The following GYS2 variants were observed in gnomAD, a reference collection of about 807,000 sequenced individuals.
The protein encoded by GYS2 is glycogen [starch] synthase, liver.
GYS2 carries 80 observed loss-of-function variants against 85.6 expected under a neutral mutation model. That is an observed-to-expected ratio of 0.93 (90% CI 0.78 to 1.13). GYS2 has a LOEUF of 1.13. Among genes scored for constraint, GYS2 ranks in the 50% most tolerant of loss-of-function variants. The pLI is 0.00. For missense variants in GYS2, 881 were observed against 854.9 expected (o/e 1.03, Z -0.38); for synonymous variants, 328 against 300.7 (o/e 1.09, Z -0.94).
chr12:21,563,776 A>G (rs1944284495), intron 5 of GYS2, among the ~76,000 whole-genome samples: 1 of 152,144 alleles, frequency 6.6e-6, no homozygotes, highest in Non-Finnish European at 1.5e-5. Flanking sequence ...AGAGTTGTTT[A>G]AAGACGCCGT....
At chr12:21,583,552 T>A (rs1380116305) in intron 1 of GYS2, among the ~76,000 whole-genome samples, 1 of 152,212 alleles carries the variant, frequency 6.6e-6, no homozygotes, top group Non-Finnish European at 1.5e-5. Flanking sequence ...GATCCAATGA[T>A]GCTTGAGGTG....
rs1256746578 is a variant in GYS2, at chr12:21,601,450, C to A, written c.121+3022G>T. 2.0e-5 allele frequency among the ~76,000 whole-genome samples: 3 copies of A among 152,282 alleles called. No individual in the cohort carries two copies. The East Asian group carries it at 5.8e-4, about 29-fold the overall frequency. On this transcript the variant is annotated intron_variant, in intron 1 of 15. Transcript: ENST00000261195. The stretch of plus-strand genomic sequence containing the variant: ...GGTCTCTCCCATCTTCTCTCATACT[C>A]CTCTCCTTTTCCCTCTCTGAGCCCC...
chr12:21,546,360 G>C lies in GYS2; in HGVS notation c.1533C>G (p.Pro511=). The change falls in exon 12 of 16, where the codon CCC becomes CCG. Residue 511 remains proline, a synonymous_variant. Coordinates refer to ENST00000261195, the MANE Select transcript of GYS2 (RefSeq NM_021957.4). ...HLGVFPSYYE[P]WGYTPAECTV... is the part of the protein sequence containing the mutation. ...GACACATACCTGGAGTATAACCCCA[G>C]GGTTCATAGTATGATGGAAATACTC... is the stretch of plus-strand genomic sequence containing the variant. 5 of 1,603,886 alleles carry C rather than the reference G, an allele frequency of 3.1e-6. No individual in the cohort carries two copies. Among genetic ancestry groups the C allele is most frequent in the Non-Finnish European group, 3.4e-6 (4 of 1,171,434 alleles).
chr12:21,560,434 T>C lies in GYS2; in HGVS notation c.1121A>G (p.Asn374Ser). The C allele has an allele frequency of 3.7e-6, 6 of 1,610,322 alleles. No individual in the cohort carries two copies. The highest frequency in any genetic ancestry group is 5.1e-6 in the Non-Finnish European group (6 of 1,176,592). ...VFFIMPAKTN[N>S]FNVETLKGQA... Reference sequence around the variant, plus strand: ...TCCTTTCAGGGTTTCCACGTTGAAATTATTTGTCTTGGCAGGCATAATGAA... The same window carrying C: ...TCCTTTCAGGGTTTCCACGTTGAAACTATTTGTCTTGGCAGGCATAATGAA... Residue 374 changes from asparagine to serine, a missense_variant, in exon 8 of 16, where the codon AAT becomes AGT. Asn to Ser is a conservative substitution (Grantham distance 46, BLOSUM62 1). Transcript: ENST00000261195.
At chr12:21,542,732 GTC>G in intron 12 of GYS2, 141 bp from the exon 13 acceptor site, 1 of 696,368 alleles carries the variant, frequency 1.4e-6, no homozygotes, top group Non-Finnish European at 2.7e-6. Flanking sequence ...CTCTTTACAT[GTC>G]TCACTAACTT....
intron 4 of GYS2, among the ~76,000 whole-genome samples, chr12:21,569,898 T>C (rs946954033): frequency 6.6e-6 from 1 of 152,256 alleles, no homozygotes; most frequent in Non-Finnish European, 1.5e-5. Flanking sequence ...AAATTGAACC[T>C]TTTAGAGGTC....
intron 5 of GYS2, among the ~76,000 whole-genome samples, chr12:21,564,815 G>A (rs1305533495): frequency 6.6e-6 from 1 of 152,120 alleles, no homozygotes; most frequent in Non-Finnish European, 1.5e-5. Context: ...GAGGTAAATT[G>A]TTTTCACTGT....
chr12:21,535,588 C>T (rs568681809), downstream of GYS2, among the ~76,000 whole-genome samples: 1 of 152,276 alleles, frequency 6.6e-6, no homozygotes, highest in East Asian at 1.9e-4. Flanking sequence ...TTGTATCCAA[C>T]AGTTTTCTAC....
intron 11 of GYS2, among the ~76,000 whole-genome samples, chr12:21,556,775 C>T (rs982146422): frequency 6.6e-6 from 1 of 152,294 alleles, no homozygotes; most frequent in African/African-American, 2.4e-5. Flanking sequence ...CTTTCTTACT[C>T]CCAGTATCCA....
intron 4 of GYS2, among the ~76,000 whole-genome samples, chr12:21,569,921 G>A (rs1043942581): frequency 2.6e-5 from 4 of 152,112 alleles, no homozygotes; most frequent in South Asian, 2.1e-4. Context: ...GAAACTTGTC[G>A]AAGGTCACAT....
At chr12:21,564,442 A>C (rs886889751) in intron 5 of GYS2, among the ~76,000 whole-genome samples, 1 of 152,146 alleles carries the variant, frequency 6.6e-6, no homozygotes, top group Non-Finnish European at 1.5e-5. Context: ...AAAGAAAAAA[A>C]AAAAGAATCT....
Position 21,560,482 on chromosome 12 carries a change from CT to C in GYS2, c.1072del (p.Ser358ValfsTer5). On this transcript the variant is annotated frameshift_variant, in exon 8 of 16. Coordinates refer to ENST00000261195, the MANE Select transcript of GYS2 (RefSeq NM_021957.4). LOFTEE classifies it high-confidence loss of function. ...GAAAAACACCATCACTGTGATGTCA[CT>C]TTTATGCATCTGATGAGGAATTAGA... ...RLNFLLRMHK[S>X]DITVMVFFIM... The C allele has an allele frequency of 1.4e-6, 2 of 1,469,298 alleles. No individual in the cohort carries two copies. Among genetic ancestry groups the C allele is most frequent in the Non-Finnish European group, 1.9e-6 (2 of 1,047,530 alleles). The allele number at this position is 1,469,298 out of a possible 1,614,324, so 91.0% of individuals were successfully genotyped here.
chr12:21,582,061 T>C (rs899369431), intron 1 of GYS2, among the ~76,000 whole-genome samples: 1 of 149,824 alleles, frequency 6.7e-6, no homozygotes, highest in African/African-American at 2.5e-5. Flanking sequence ...AGTAAACGGA[T>C]AACCTACAGA....
intron 7 of GYS2, 80 bp from the exon 8 acceptor site, chr12:21,560,572 A>T: frequency 1.3e-6 from 1 of 785,174 alleles, no homozygotes; most frequent in Non-Finnish European, 2.3e-6. Flanking sequence ...AACATTGAAA[A>T]GTAGAGTTTT....
At chr12:21,597,402 C>T (rs1190802948) in intron 1 of GYS2, among the ~76,000 whole-genome samples, 1 of 151,924 alleles carries the variant, frequency 6.6e-6, no homozygotes, top group Non-Finnish European at 1.5e-5. Flanking sequence ...GGATATTTTT[C>T]AAAAGAAGAC....
chr12:21,596,746 C>G (rs896962089), intron 1 of GYS2, among the ~76,000 whole-genome samples: 3 of 152,134 alleles, frequency 2.0e-5, no homozygotes, highest in African/African-American at 7.2e-5. Context: ...GAAGTCCTAG[C>G]CAGGGCAATC....
rs772128889 is a variant in GYS2, at chr12:21,562,873, G to C, written c.1062+45C>G. ...AATTCTTCACTTCCCACAGAAGAAA[G>C]TTCTCCCTACAAGAGTGTTATACCA... On this transcript the variant is annotated intron_variant, in intron 7 of 15. Coordinates refer to ENST00000261195, the MANE Select transcript of GYS2 (RefSeq NM_021957.4). 7 of 1,607,128 alleles carry C rather than the reference G, an allele frequency of 4.4e-6. No homozygotes were observed. In the Admixed American group the frequency reaches 1.2e-4, roughly 27 times the overall value.
At chr12:21,572,468 T>C (rs999813983) in intron 4 of GYS2, among the ~76,000 whole-genome samples, 2 of 152,220 alleles carry the variant, frequency 1.3e-5, no homozygotes, top group African/African-American at 4.8e-5. Flanking sequence ...TTCTTATGTG[T>C]CACCCAAATT....
At position 21,580,491 on chromosome 12, in the gene GYS2, C is replaced by A. The variant is rs886049162; in HGVS notation, c.154G>T (p.Ala52Ser). The A allele has an allele frequency of 6.2e-7, 1 of 1,613,412 alleles. No individual in the cohort carries two copies. The change falls in exon 2 of 16, where the codon GCC (alanine) becomes TCC (serine). Residue 52 changes from alanine to serine, a missense_variant. Ala to Ser is a moderately conservative substitution (Grantham distance 99). Coordinates refer to ENST00000261195, the MANE Select transcript of GYS2 (RefSeq NM_021957.4). ...CCCCATTCATCTGCTGTTGTTTTGG[C>A]CTTTGTCTGAATCACAGTATAGATG... Reference protein sequence around the residue: ...GGIYTVIQTKAKTTADEWGEN... With the variant: ...GGIYTVIQTKSKTTADEWGEN...
Sources: allele counts gnomAD v4.1 joint callset (sites outside exome capture counted in the v4.1 genomes callset), GRCh38; gene constraint gnomAD v4.1.1; transcripts MANE v1.5; gene names NCBI Gene and HGNC (gene_info 2026-07-23, HGNC 2026-07-21).